The following BLOC1S5 variants were observed in gnomAD, a reference collection of about 807,000 sequenced individuals.
BLOC1S5 encodes the protein biogenesis of lysosome-related organelles complex 1 subunit 5.
In BLOC1S5, 27 loss-of-function variants were observed where a neutral mutation model predicts 24.3. The observed-to-expected ratio is 1.11, with a 90% CI of 0.82 to 1.53. The LOEUF (loss-of-function observed/expected upper bound fraction) is 1.53. Ranked by LOEUF, BLOC1S5 falls within the 40% of genes most tolerant of loss-of-function variation. The probability of loss-of-function intolerance (pLI) is 0.00; values close to 1 mark genes in which losing one functional copy is unlikely to be tolerated. For synonymous variants in BLOC1S5, 84 were observed against 74.5 expected (o/e 1.13, Z -0.66); for missense variants, 239 against 229.4 (o/e 1.04, Z -0.27).
At chr6:8,024,368 A>T (rs939440684) in intron 4 of BLOC1S5, among the ~76,000 whole-genome samples, 6 of 151,944 alleles carry the variant, frequency 3.9e-5, no homozygotes, top group African/African-American at 1.4e-4. Flanking sequence ...TCTACTAAAA[A>T]TACAAAAATT....
intron 4 of BLOC1S5, among the ~76,000 whole-genome samples, chr6:8,016,784 G>A (rs1201211300): frequency 2.0e-5 from 3 of 151,414 alleles, no homozygotes; most frequent in Non-Finnish European, 4.4e-5. Context: ...GGGAAACTGA[G>A]GCGGAAGAAC....
intron 2 of BLOC1S5, among the ~76,000 whole-genome samples, chr6:8,058,113 C>T (rs1018916585): frequency 1.2e-4 from 18 of 152,108 alleles, no homozygotes; most frequent in Non-Finnish European, 1.6e-4. Flanking sequence ...TTGCTATCAA[C>T]ACCTAAATTT....
chr6:8,017,407 C>CACACACACACA (rs1554136933), intron 4 of BLOC1S5, among the ~76,000 whole-genome samples: 6 of 151,594 alleles, frequency 4.0e-5, no homozygotes, highest in African/African-American at 1.5e-4. Context: ...CACACACACA[C>CACACACACACA]CTACAAAGCA....
intron 2 of BLOC1S5, among the ~76,000 whole-genome samples, chr6:8,050,361 C>T (rs1324081227): frequency 2.0e-5 from 3 of 152,048 alleles, no homozygotes; most frequent in Admixed American, 1.3e-4. Flanking sequence ...ACTGGCCATT[C>T]CCCCATCTCT....
chr6:8,043,476 C>G (rs9689434), intron 2 of BLOC1S5, among the ~76,000 whole-genome samples: 2 of 151,966 alleles, frequency 1.3e-5, no homozygotes, highest in Non-Finnish European at 2.9e-5. Context: ...AAACAACAGA[C>G]AAACCCAGAT....
At chr6:8,033,524 C>T (rs991265038) in intron 3 of BLOC1S5, among the ~76,000 whole-genome samples, 1 of 152,056 alleles carries the variant, frequency 6.6e-6, no homozygotes, top group Non-Finnish European at 1.5e-5. Context: ...CCATAAAAAC[C>T]CTAGAAGAAA....
At position 8,015,517 on chromosome 6, in the gene BLOC1S5, T is replaced by C. The variant is rs1762700847; in HGVS notation, c.*132A>G. ...AATCAGAATGCCAGTAGAAACTTCT[T>C]TCTTCTGATATAAGAGTGCCACTGA... On this transcript the variant is annotated 3_prime_UTR_variant, in exon 5 of 5. Transcript: ENST00000397457. The C allele has an allele frequency of 4.4e-6, 4 of 918,358 alleles. No individual in the cohort carries two copies. The highest frequency in any genetic ancestry group is 6.3e-6 in the Non-Finnish European group (4 of 634,254). The allele number at this position is 918,358 out of a possible 1,614,324, so 56.9% of individuals were successfully genotyped here. A position where few individuals can be genotyped will look rare whatever the true frequency, so the allele number is the denominator to read the frequency against.
chr6:8,060,279 T>A (rs558874369), intron 2 of BLOC1S5, among the ~76,000 whole-genome samples: 1 of 152,246 alleles, frequency 6.6e-6, no homozygotes, highest in South Asian at 2.1e-4. Flanking sequence ...CGTGATGTGT[T>A]AAAGAAAAAG....
intron 3 of BLOC1S5, chr6:8,027,264 G>T (rs1170360149): frequency 1.1e-5 from 5 of 445,768 alleles, no homozygotes; most frequent in African/African-American, 1.0e-4. Context: ...GTCAAATTTG[G>T]CACTCAGTTG....
At position 8,064,170 on chromosome 6, in the gene BLOC1S5, C is replaced by T. The variant is rs896015363; in HGVS notation, c.112+95G>A. ...CCCGCACAAACGCACGCGCGCCAGC[C>T]CGGGACCCGGGGGTCGGCCCGGGTC... On this transcript the variant is annotated intron_variant, in intron 1 of 4. Coordinates refer to ENST00000397457, the MANE Select transcript of BLOC1S5 (RefSeq NM_201280.3). The T allele has an allele frequency of 5.5e-6, 6 of 1,093,514 alleles. No individual in the cohort carries two copies. The Admixed American group carries it at 1.5e-4, about 27-fold the overall frequency. 67.7% of individuals were successfully genotyped at this position (1,093,514 alleles called of 1,614,324 possible).
intron 4 of BLOC1S5, among the ~76,000 whole-genome samples, chr6:8,016,805 CAGG>C (rs1762753448): frequency 6.9e-6 from 1 of 145,558 alleles, no homozygotes; most frequent in Non-Finnish European, 1.5e-5. Flanking sequence ...TGCTTGAACC[CAGG>C]AGACAGAGGT....
At chr6:8,037,794 A>G (rs1763536381) in intron 3 of BLOC1S5, among the ~76,000 whole-genome samples, 1 of 152,220 alleles carries the variant, frequency 6.6e-6, no homozygotes, top group South Asian at 2.1e-4. Flanking sequence ...CATGCATGGC[A>G]CAGAATCAAT....
intron 4 of BLOC1S5, among the ~76,000 whole-genome samples, chr6:8,023,234 C>T (rs903662559): frequency 5.9e-5 from 9 of 152,260 alleles, no homozygotes; most frequent in African/African-American, 2.2e-4. Context: ...GTTTTGAAGA[C>T]ATGTCAAATA....
chr6:8,019,612 G>GC (rs1230914771), intron 4 of BLOC1S5, among the ~76,000 whole-genome samples: 1 of 151,672 alleles, frequency 6.6e-6, no homozygotes, highest in Non-Finnish European at 1.5e-5. Context: ...AAAAAAGGGG[G>GC]GGGGGGCGCC....
chr6:8,064,156 G>T, intron 1 of BLOC1S5, 109 bp downstream of exon 1: 1 of 893,990 alleles, frequency 1.1e-6, no homozygotes, highest in Non-Finnish European at 1.6e-6. Context: ...CCGCACAAAC[G>T]CACGCGCGCC....
intron 2 of BLOC1S5, among the ~76,000 whole-genome samples, chr6:8,055,607 G>A (rs575158664): frequency 7.9e-5 from 12 of 152,290 alleles, no homozygotes; most frequent in African/African-American, 2.4e-4. Flanking sequence ...AGAAGGGAGG[G>A]GTGGTGAGAA....
intron 2 of BLOC1S5, among the ~76,000 whole-genome samples, chr6:8,051,137 G>A (rs928328652): frequency 4.7e-5 from 7 of 150,312 alleles, no homozygotes; most frequent in African/African-American, 1.5e-4. Flanking sequence ...GCAGTGAGCC[G>A]AGACTGCGCC....
chr6:8,064,149 C>A, intron 1 of BLOC1S5, 116 bp downstream of exon 1: 1 of 826,572 alleles, frequency 1.2e-6, no homozygotes, highest in Non-Finnish European at 1.8e-6. Context: ...CCCCCACCCG[C>A]ACAAACGCAC....
chr6:8,036,804 C>T (rs1295656692), intron 3 of BLOC1S5, among the ~76,000 whole-genome samples: 1 of 152,118 alleles, frequency 6.6e-6, no homozygotes, highest in Non-Finnish European at 1.5e-5. Flanking sequence ...AATTCAACAA[C>T]ATGTTAAAAA....
Sources: gnomAD v4.1 joint callset for allele counts (sites outside exome capture counted in the v4.1 genomes callset) on GRCh38, gnomAD v4.1.1 for gene constraint, MANE v1.5 for transcripts, NCBI Gene and HGNC (gene_info 2026-07-23, HGNC 2026-07-21) for gene names.